Variants in YTHDF1 observed in about 807,000 individuals in gnomAD.
The protein encoded by YTHDF1 is YTH domain-containing family protein 1.
YTHDF1 carries 16 observed loss-of-function variants against 49.1 expected under a neutral mutation model. That is an observed-to-expected ratio of 0.33 (90% CI 0.22 to 0.49). The LOEUF (loss-of-function observed/expected upper bound fraction) is 0.49. YTHDF1 is among the 20% of genes least tolerant of loss of function. The probability of loss-of-function intolerance (pLI) is 0.99; values close to 1 mark genes in which losing one functional copy is unlikely to be tolerated. For synonymous variants in YTHDF1, 313 were observed against 290.1 expected, an observed-to-expected ratio of 1.08 and a Z score of -0.80; for missense variants, 621 against 744.3, an observed-to-expected ratio of 0.83 and a Z score of 1.93.
chr20:63,205,083 G>A (rs1021597548), intron 3 of YTHDF1, among the ~76,000 whole-genome samples: 3 of 151,976 alleles, frequency 2.0e-5, no homozygotes, highest in Admixed American at 6.6e-5. Flanking sequence ...TAGTTTTCCC[G>A]CTCCCCGCCC....
chr20:63,213,845 G>A lies in YTHDF1; in HGVS notation c.132+19C>T. ...AAAACCAACTTAAAAACAAATATATGCTAACAAAATAAACTCACCTGATTT... is the reference window on the plus strand; with the variant it reads ...AAAACCAACTTAAAAACAAATATATACTAACAAAATAAACTCACCTGATTT... On this transcript the variant is annotated intron_variant, in intron 3 of 4. Transcript: ENST00000370339. 3 of 1,594,140 alleles carry A rather than the reference G, an allele frequency of 1.9e-6. 1 individual carries two copies. Among genetic ancestry groups the A allele is most frequent in the Non-Finnish European group, 8.5e-7 (1 of 1,172,238 alleles).
intron 3 of YTHDF1, 85 bp downstream of exon 3, chr20:63,213,779 A>T: frequency 8.1e-7 from 1 of 1,239,780 alleles, no homozygotes; most frequent in South Asian, 1.4e-5. Flanking sequence ...TGTTTAGGAT[A>T]ATTTAAAAAT....
Position 63,203,811 on chromosome 20 carries a change from C to A in YTHDF1, c.133-4G>T, listed in dbSNP as rs377750036. The A allele has an allele frequency of 7.2e-5, 114 of 1,587,246 alleles. No homozygotes were observed. The highest frequency in any genetic ancestry group is 9.7e-5 in the Non-Finnish European group (113 of 1,161,052). ...TCATTGAGGGGTAACTGTTACTCTG[C>A]AAAAGCAAACGTGACAAGTTACACC... On this transcript the variant is annotated splice_region_variant and splice_polypyrimidine_tract_variant and intron_variant, in intron 3 of 4. Transcript: ENST00000370339. The surrounding 1 kb of genome is among the most constrained non-coding windows in gnomAD (Gnocchi z 4.4).
chr20:63,212,795 T>C (rs1477452497), intron 3 of YTHDF1, among the ~76,000 whole-genome samples: 5 of 151,824 alleles, frequency 3.3e-5, no homozygotes, highest in Non-Finnish European at 7.4e-5. Flanking sequence ...TTGCTACAAC[T>C]GGGGATGGGG....
chr20:63,203,273 T>C lies in YTHDF1; in HGVS notation c.667A>G (p.Asn223Asp). ...TGVLSGNGGT[N>D]VNMPVSKPTS... The stretch of plus-strand genomic sequence containing the variant: ...GGCTTTGAAACTGGCATGTTCACAT[T>C]TGTCCCACCGTTGCCAGAAAGGACA... Residue 223 changes from asparagine to aspartate, a missense_variant, in exon 4 of 5, where the codon AAT (asparagine) becomes GAT (aspartate). Transcript: ENST00000370339. The surrounding 1 kb of genome is among the most constrained non-coding windows in gnomAD (Gnocchi z 4.4). 1.2e-6 allele frequency: 2 copies of C among 1,613,886 alleles called. No individual in the cohort carries two copies.
chr20:63,196,650 C>G lies in YTHDF1; in HGVS notation c.*58G>C. On this transcript the variant is annotated 3_prime_UTR_variant, in exon 5 of 5. Transcript: ENST00000370339. ...GACACACTGGAGCTGACCAAGCACACGTGTTTTAAACTGTTTTCAAAGTCA... is the reference window on the plus strand; with the variant it reads ...GACACACTGGAGCTGACCAAGCACAGGTGTTTTAAACTGTTTTCAAAGTCA... The G allele has an allele frequency of 6.2e-7, 1 of 1,606,434 alleles. No homozygotes were observed. Among genetic ancestry groups the G allele is most frequent in the South Asian group, 1.1e-5 (1 of 90,612 alleles).
intron 4 of YTHDF1, among the ~76,000 whole-genome samples, chr20:63,198,600 C>G (rs1225345144): frequency 4.6e-5 from 7 of 151,232 alleles, no homozygotes; most frequent in African/African-American, 1.7e-4. Context: ...TTACTATGTG[C>G]TCTTTAAAAA....
At chr20:63,197,399 C>T (rs921212224) in intron 4 of YTHDF1, among the ~76,000 whole-genome samples, 3 of 152,218 alleles carry the variant, frequency 2.0e-5, no homozygotes, top group African/African-American at 7.2e-5. Context: ...TTGCTGCCCA[C>T]TCCCGTAAGA....
chr20:63,204,052 G>A (rs1404084425), intron 3 of YTHDF1, among the ~76,000 whole-genome samples: 1 of 152,222 alleles, frequency 6.6e-6, no homozygotes, highest in African/African-American at 2.4e-5. Flanking sequence ...TCTGAATTCA[G>A]GCTAAATGAC....
chr20:63,214,626 G>A (rs1052820508), intron 2 of YTHDF1, among the ~76,000 whole-genome samples: 35 of 152,142 alleles, frequency 2.3e-4, no homozygotes, highest in African/African-American at 8.0e-4. Context: ...CAGGGAGGGG[G>A]CTTCCAGGTC....
intron 4 of YTHDF1, among the ~76,000 whole-genome samples, chr20:63,197,901 G>A (rs954797472): frequency 6.6e-6 from 1 of 152,110 alleles, no homozygotes. Flanking sequence ...GTGTCTTCCG[G>A]TTAATAATAA....
chr20:63,215,778 C>T, intron 1 of YTHDF1, 88 bp downstream of exon 1: 2 of 1,401,732 alleles, frequency 1.4e-6, no homozygotes, highest in Non-Finnish European at 1.9e-6. Context: ...GCCTCCGCGA[C>T]CCCGGGCTCT....
chr20:63,204,633 C>CT (rs1429585612), intron 3 of YTHDF1, among the ~76,000 whole-genome samples: 1 of 152,188 alleles, frequency 6.6e-6, no homozygotes, highest in African/African-American at 2.4e-5. Context: ...CCTGGGCTTC[C>CT]TTATGAAAAC....
chr20:63,201,942 C>T (rs1455482755), intron 4 of YTHDF1, among the ~76,000 whole-genome samples: 1 of 152,210 alleles, frequency 6.6e-6, no homozygotes. Context: ...CAGAAAGTAT[C>T]ACAATTCAAA....
intron 4 of YTHDF1, among the ~76,000 whole-genome samples, chr20:63,200,964 G>A (rs766416809): frequency 1.3e-5 from 2 of 151,534 alleles, no homozygotes; most frequent in Non-Finnish European, 2.9e-5. Context: ...ACAATCACTC[G>A]AACCCAGGAG....
At chr20:63,215,502 C>G in intron 2 of YTHDF1, 75 bp downstream of exon 2, 1 of 1,599,388 alleles carries the variant, frequency 6.3e-7, no homozygotes. Flanking sequence ...CGGTTCCAGA[C>G]GCAGCTTCCT....
At position 63,210,934 on chromosome 20, in the gene YTHDF1, C is replaced by A. The variant is rs976964615; in HGVS notation, c.132+2930G>T. On this transcript the variant is annotated intron_variant, in intron 3 of 4. Transcript: ENST00000370339. ...GCTACAGTCGCAAGCGCCTCAGGGGCAACTAGGACTGAAACTCTAGCACCA... is the reference window on the plus strand; with the variant it reads ...GCTACAGTCGCAAGCGCCTCAGGGGAAACTAGGACTGAAACTCTAGCACCA... Among the ~76,000 whole-genome samples the A allele has an allele frequency of 1.2e-4, 18 of 152,342 alleles. 1 individual carries two copies. The highest frequency in any genetic ancestry group is 9.8e-4 in the Admixed American group (15 of 15,302).
chr20:63,212,608 G>T (rs534268598), intron 3 of YTHDF1, among the ~76,000 whole-genome samples: 1 of 152,230 alleles, frequency 6.6e-6, no homozygotes, highest in Non-Finnish European at 1.5e-5. Context: ...CGGCCTGGAG[G>T]TAGGAAAGTG....
At position 63,203,367 on chromosome 20, in the gene YTHDF1, C is replaced by A; in HGVS notation, c.573G>T (p.Lys191Asn). 6.2e-7 allele frequency: 1 copy of A among 1,613,226 alleles called. No homozygotes were observed. The highest frequency in any genetic ancestry group is 1.3e-5 in the African/African-American group (1 of 75,060). ...CGGCGGAGGAGCTGACGTCCCCAATCTTCAGGCCAACCATGCCCTGCTCCA... is the reference window on the plus strand; with the variant it reads ...CGGCGGAGGAGCTGACGTCCCCAATATTCAGGCCAACCATGCCCTGCTCCA... ...NSLEQGMVGL[K>N]IGDVSSSAVK... is the part of the protein sequence containing the mutation. Residue 191 changes from lysine (K) to asparagine (N), a missense_variant, in exon 4 of 5, where the codon AAG (lysine) becomes AAT (asparagine). By Grantham distance (94) the Lys-to-Asn change is moderately conservative (BLOSUM62 0). This residue lies in a region of YTHDF1 where 470 missense variants were observed against 495.8 expected (regional missense o/e 0.95). Coordinates refer to ENST00000370339, the MANE Select transcript of YTHDF1 (RefSeq NM_017798.4). The surrounding 1 kb of genome is among the most constrained non-coding windows in gnomAD (Gnocchi z 4.4).
Sources: gnomAD v4.1 joint callset for allele counts (sites outside exome capture counted in the v4.1 genomes callset) on GRCh38, gnomAD v4.1.1 for gene constraint, gnomAD v4.1.1 regional missense constraint, Gnocchi (gnomAD v3.1) non-coding constraint, MANE v1.5 for transcripts, NCBI Gene and HGNC (gene_info 2026-07-23, HGNC 2026-07-21) for gene names.